The following GNB1 variants were observed in gnomAD, a reference collection of about 807,000 sequenced individuals.
GNB1 encodes the protein G protein subunit beta 1.
In GNB1, 2 loss-of-function variants were observed where a neutral mutation model predicts 42.9. The observed-to-expected ratio is 0.05, with a 90% confidence interval of 0.02 to 0.15. GNB1 has a LOEUF of 0.15. Among genes scored for constraint, GNB1 ranks in the 10% least tolerant of loss-of-function variants. The pLI, the probability that GNB1 is intolerant of heterozygous loss-of-function variation, is 1.00. For missense variants in GNB1, 193 were observed against 462.2 expected (o/e 0.42, Z 5.34); for synonymous variants, 183 against 174.7 (o/e 1.05, Z -0.38).
At chr1:1,825,612 C>T in intron 2 of GNB1, 113 bp from the exon 3 acceptor site, 2 of 658,376 alleles carry the variant, frequency 3.0e-6, no homozygotes, top group Middle Eastern at 2.6e-4. Context: ...AGCCTGTAAT[C>T]CCAGCACTTT....
At chr1:1,870,160 C>T (rs956664284) in intron 1 of GNB1, among the ~76,000 whole-genome samples, 5 of 152,032 alleles carry the variant, frequency 3.3e-5, no homozygotes, top group Admixed American at 3.3e-4. Flanking sequence ...CGCACCAGGC[C>T]CAAAGACAAT....
intron 2 of GNB1, among the ~76,000 whole-genome samples, chr1:1,830,297 G>A (rs1376804204): frequency 1.3e-5 from 2 of 149,264 alleles, no homozygotes; most frequent in African/African-American, 2.5e-5. Context: ...GTCTTGCTCC[G>A]TCGCCCAGGC....
intron 3 of GNB1, 80 bp downstream of exon 3, chr1:1,825,317 T>C: frequency 1.0e-6 from 1 of 967,610 alleles, no homozygotes; most frequent in South Asian, 1.3e-5. Context: ...AGTCATCCTG[T>C]AAACCATTTT....
chr1:1,852,638 C>T (rs926995593), intron 1 of GNB1, among the ~76,000 whole-genome samples: 3 of 151,090 alleles, frequency 2.0e-5, no homozygotes, highest in South Asian at 4.2e-4. Flanking sequence ...AAGGCAGCAG[C>T]GAGCCACTGT....
Position 1,797,611 on chromosome 1 carries a change from T to C in GNB1, c.431-4300A>G, listed in dbSNP as rs541443075. On this transcript the variant is annotated intron_variant, in intron 7 of 11. Coordinates refer to ENST00000378609, the MANE Select transcript of GNB1 (RefSeq NM_002074.5). ...TGCCACCACATCCAGCTAATTTTTGTATTTTTAGTAGAGATGGGGTTTTGC... is the reference window on the plus strand; with the variant it reads ...TGCCACCACATCCAGCTAATTTTTGCATTTTTAGTAGAGATGGGGTTTTGC... Among the ~76,000 whole-genome samples the C allele has an allele frequency of 1.1e-3, 164 of 152,300 alleles. 1 individual carries two copies. Among genetic ancestry groups the C allele is most frequent in the African/African-American group, 3.8e-3 (158 of 41,566 alleles).
intron 7 of GNB1, among the ~76,000 whole-genome samples, chr1:1,802,734 A>AG (rs1646641990): frequency 6.6e-6 from 1 of 151,442 alleles, no homozygotes; most frequent in Admixed American, 6.6e-5. Flanking sequence ...ACTGTACTAC[A>AG]GCCTGGGTGA....
chr1:1,868,268 C>A (rs796366154), intron 1 of GNB1, among the ~76,000 whole-genome samples: 1 of 152,074 alleles, frequency 6.6e-6, no homozygotes, highest in Non-Finnish European at 1.5e-5. Flanking sequence ...CTCTGCCTCC[C>A]GGGTTCGAGC....
At chr1:1,807,994 CCA>C (rs1646724697) in intron 5 of GNB1, among the ~76,000 whole-genome samples, 1 of 151,796 alleles carries the variant, frequency 6.6e-6, no homozygotes, top group African/African-American at 2.4e-5. Context: ...CAGGCGGGAG[CCA>C]CCACGCCCGG....
At chr1:1,821,069 A>C (rs1646924748) in intron 3 of GNB1, among the ~76,000 whole-genome samples, 1 of 152,230 alleles carries the variant, frequency 6.6e-6, no homozygotes, top group South Asian at 2.1e-4. Flanking sequence ...CAAGCCACTC[A>C]TCAGTTGATT....
chr1:1,793,617 T>C (rs1182906415), intron 7 of GNB1: 3 of 206,304 alleles, frequency 1.5e-5, no homozygotes, highest in Non-Finnish European at 3.0e-5. Context: ...GTTTGACCCA[T>C]CAAAGGCTGG....
intron 2 of GNB1, among the ~76,000 whole-genome samples, chr1:1,835,518 T>C (rs1044165498): frequency 1.2e-4 from 19 of 152,182 alleles, no homozygotes; most frequent in African/African-American, 4.6e-4. Context: ...TTTTAAGTAA[T>C]GTCCAGAAAA....
chr1:1,868,183 G>GT (rs553565942), intron 1 of GNB1, among the ~76,000 whole-genome samples: 76 of 150,348 alleles, frequency 5.1e-4, no homozygotes, highest in African/African-American at 1.5e-3. Flanking sequence ...TTGTTTTTTT[G>GT]TTTTTTTTTG....
At chr1:1,838,739 C>T (rs115234004) in intron 2 of GNB1, among the ~76,000 whole-genome samples, 1 of 152,020 alleles carries the variant, frequency 6.6e-6, no homozygotes, top group East Asian at 1.9e-4. Context: ...CCACCGCACC[C>T]GGCCATATAT....
At chr1:1,877,126 C>A (rs888826519) in intron 1 of GNB1, among the ~76,000 whole-genome samples, 2 of 151,662 alleles carry the variant, frequency 1.3e-5, no homozygotes, top group Non-Finnish European at 2.9e-5. Flanking sequence ...CATGGTGAAA[C>A]CCCGTCTCTA....
At chr1:1,835,211 A>G (rs541333275) in intron 2 of GNB1, among the ~76,000 whole-genome samples, 1 of 152,326 alleles carries the variant, frequency 6.6e-6, no homozygotes, top group African/African-American at 2.4e-5. Context: ...AGCAGGACCA[A>G]TGATGTCTGA....
In GNB1 at chr1:1,815,922, C is replaced by A. The variant is rs1429360936; in HGVS notation, c.97-60G>T. The A allele has an allele frequency of 2.9e-6, 3 of 1,037,996 alleles. No homozygotes were observed. The African/African-American group carries it at 4.7e-5, about 16-fold the overall frequency. The allele number at this position is 1,037,996 out of a possible 1,614,324, so 64.3% of individuals were successfully genotyped here. On this transcript the variant is annotated intron_variant, in intron 4 of 11. Transcript: ENST00000378609. ...TGTGATTAAACGATTCTCCTCATCA[C>A]CCATCCTTGTCAAGGCTGTTGGCTC...
At chr1:1,829,177 C>T (rs186779232) in intron 2 of GNB1, among the ~76,000 whole-genome samples, 1 of 152,114 alleles carries the variant, frequency 6.6e-6, no homozygotes, top group Admixed American at 6.6e-5. Context: ...TTGCCTCAGC[C>T]TCCCGAGTAG....
intron 5 of GNB1, among the ~76,000 whole-genome samples, chr1:1,813,914 T>A (rs1646815557): frequency 6.6e-6 from 1 of 152,252 alleles, no homozygotes; most frequent in South Asian, 2.1e-4. Flanking sequence ...CTAATCAACA[T>A]ACCCATCACT....
At position 1,793,315 on chromosome 1, in the gene GNB1, G is replaced by T; in HGVS notation, c.431-4C>A. On this transcript the variant is annotated splice_region_variant and splice_polypyrimidine_tract_variant and intron_variant, in intron 7 of 11. Transcript: ENST00000378609. ...AATCGGCAGCAGGACAGGTAACCTG[G>T]CAAAGAACAGGCCTAAGTGATGAGC... 2 of 1,609,790 alleles carry T rather than the reference G, an allele frequency of 1.2e-6. No individual in the cohort carries two copies. Among genetic ancestry groups the T allele is most frequent in the Non-Finnish European group, 1.7e-6 (2 of 1,176,486 alleles).
Sources: gnomAD v4.1 joint callset for allele counts (sites outside exome capture counted in the v4.1 genomes callset) on GRCh38, gnomAD v4.1.1 for gene constraint, MANE v1.5 for transcripts, NCBI Gene and HGNC (gene_info 2026-07-23, HGNC 2026-07-21) for gene names.